The following TRAK2 variants were observed in gnomAD, a reference collection of about 807,000 sequenced individuals.
The protein encoded by TRAK2 is trafficking kinesin-binding protein 2.
A neutral mutation model predicts 104.6 loss-of-function variants in TRAK2; 81 were observed. That is an observed-to-expected ratio of 0.77 (90% CI 0.65 to 0.93). TRAK2 has a LOEUF of 0.93. Ranked by LOEUF, TRAK2 falls within the 40% of genes least tolerant of loss-of-function variation. TRAK2 has a pLI of 0.00. For synonymous variants in TRAK2, 406 were observed against 394.4 expected (o/e 1.03, Z -0.35); for missense variants, 1,002 against 1,089.0 (o/e 0.92, Z 1.12).
chr2:201,450,371 C>A (rs537221889), intron 1 of TRAK2, among the ~76,000 whole-genome samples: 2 of 151,846 alleles, frequency 1.3e-5, no homozygotes, highest in Non-Finnish European at 2.9e-5. Context: ...GCCGAGATCA[C>A]CCCACTGCAC....
At chr2:201,419,889 T>C (rs1377909131) in intron 2 of TRAK2, among the ~76,000 whole-genome samples, 3 of 152,176 alleles carry the variant, frequency 2.0e-5, no homozygotes, top group South Asian at 2.1e-4. Flanking sequence ...CTTCAGCAAA[T>C]ATGAGTATTC....
chr2:201,440,735 G>T (rs1951914249), intron 1 of TRAK2, among the ~76,000 whole-genome samples: 1 of 152,198 alleles, frequency 6.6e-6, no homozygotes, highest in Non-Finnish European at 1.5e-5. Flanking sequence ...TATGCCTACT[G>T]TTCCATTATT....
chr2:201,401,618 C>A (rs1951551556), intron 3 of TRAK2, among the ~76,000 whole-genome samples: 3 of 152,160 alleles, frequency 2.0e-5, no homozygotes, highest in Admixed American at 2.0e-4. Flanking sequence ...CTGTTATGAA[C>A]CATAATTCCT....
intron 7 of TRAK2, among the ~76,000 whole-genome samples, chr2:201,396,114 T>C (rs1951499354): frequency 6.6e-6 from 1 of 152,136 alleles, no homozygotes; most frequent in African/African-American, 2.4e-5. Context: ...AAATTTGACA[T>C]GTAAATACAA....
intron 3 of TRAK2, 28 bp downstream of exon 3, chr2:201,407,375 A>G: frequency 6.3e-7 from 1 of 1,587,324 alleles, no homozygotes; most frequent in Non-Finnish European, 8.6e-7. Flanking sequence ...TTTAATGCAC[A>G]AACTAAAAGA....
At chr2:201,440,380 G>A (rs939649061) in intron 1 of TRAK2, among the ~76,000 whole-genome samples, 1 of 152,178 alleles carries the variant, frequency 6.6e-6, no homozygotes, top group Admixed American at 6.5e-5. Context: ...TAAGGTGTCT[G>A]TTTGACTGAA....
intron 2 of TRAK2, among the ~76,000 whole-genome samples, chr2:201,409,443 G>A (rs1211681277): frequency 6.6e-6 from 1 of 152,126 alleles, no homozygotes; most frequent in African/African-American, 2.4e-5. Flanking sequence ...GAAATATGAA[G>A]TTAGTAGTCA....
intron 2 of TRAK2, chr2:201,412,778 T>C: frequency 2.5e-6 from 3 of 1,188,974 alleles, no homozygotes; most frequent in Admixed American, 3.4e-5. Flanking sequence ...TCAGGAGTAA[T>C]ATTTCCATGT....
At chr2:201,395,466 T>C (rs1166453331) in intron 7 of TRAK2, 22 bp from the exon 8 acceptor site, 1 of 1,498,864 alleles carries the variant, frequency 6.7e-7, no homozygotes, top group Non-Finnish European at 9.0e-7. Flanking sequence ...AAAAAATTTT[T>C]TTAAATTAAT....
chr2:201,403,651 TA>T (rs1951568209), intron 3 of TRAK2, among the ~76,000 whole-genome samples: 2 of 152,046 alleles, frequency 1.3e-5, no homozygotes, highest in Admixed American at 1.3e-4. Context: ...ATTAAAATGT[TA>T]ATAGTGGTTA....
intron 1 of TRAK2, among the ~76,000 whole-genome samples, chr2:201,422,032 A>G (rs1237333129): frequency 6.2e-5 from 9 of 145,842 alleles, no homozygotes; most frequent in Admixed American, 5.6e-4. Flanking sequence ...CCTGGGTGAC[A>G]GAGCAAGACT....
At chr2:201,432,057 C>T (rs916704542) in intron 1 of TRAK2, among the ~76,000 whole-genome samples, 10 of 152,226 alleles carry the variant, frequency 6.6e-5, no homozygotes, top group South Asian at 6.2e-4. Flanking sequence ...TTTCTATCAC[C>T]AAAGTACTAT....
intron 1 of TRAK2, among the ~76,000 whole-genome samples, chr2:201,450,669 G>C (rs1417418327): frequency 6.7e-6 from 1 of 150,236 alleles, no homozygotes; most frequent in African/African-American, 2.5e-5. Context: ...TCAACTTGAT[G>C]AATATCCTGT....
intron 2 of TRAK2, among the ~76,000 whole-genome samples, chr2:201,416,890 G>T (rs184161279): frequency 7.5e-4 from 113 of 151,570 alleles, no homozygotes; most frequent in Non-Finnish European, 1.5e-3. Context: ...AGAAAAAAAC[G>T]GAAGACGGAA....
chr2:201,415,927 G>C (rs1389692278), intron 2 of TRAK2, among the ~76,000 whole-genome samples: 1 of 151,918 alleles, frequency 6.6e-6, no homozygotes, highest in Non-Finnish European at 1.5e-5. Context: ...CAGTGATAAA[G>C]AAGAAAATCC....
chr2:201,392,610 G>T (rs1478145315), intron 10 of TRAK2, among the ~76,000 whole-genome samples: 1 of 152,070 alleles, frequency 6.6e-6, no homozygotes, highest in African/African-American at 2.4e-5. Context: ...GTGGGCCTAG[G>T]GTAGGATGAC....
At chr2:201,445,190 T>C (rs1375062219) in intron 1 of TRAK2, among the ~76,000 whole-genome samples, 1 of 152,206 alleles carries the variant, frequency 6.6e-6, no homozygotes, top group African/African-American at 2.4e-5. Flanking sequence ...CAAGAGGTTA[T>C]GTGAGTCAGT....
chr2:201,436,576 G>C (rs1951881087), intron 1 of TRAK2, among the ~76,000 whole-genome samples: 1 of 152,182 alleles, frequency 6.6e-6, no homozygotes, highest in Non-Finnish European at 1.5e-5. Context: ...TCACATAGCA[G>C]TAAGGAAAAT....
In TRAK2 at chr2:201,399,513, A is replaced by G; in HGVS notation, c.364-20T>C. The G allele has an allele frequency of 1.3e-6, 2 of 1,581,210 alleles. No homozygotes were observed. The highest frequency in any genetic ancestry group is 2.2e-5 in the South Asian group (2 of 89,436). ...ATCCCTCTGTTAAAATACCAAATACACCTTTTCTTTGAGTATAAACAAGGT... is the reference window on the plus strand; with the variant it reads ...ATCCCTCTGTTAAAATACCAAATACGCCTTTTCTTTGAGTATAAACAAGGT... On this transcript the variant is annotated intron_variant, in intron 4 of 15. Transcript: ENST00000332624.
Sources: gnomAD v4.1 joint callset for allele counts (sites outside exome capture counted in the v4.1 genomes callset) on GRCh38, gnomAD v4.1.1 for gene constraint, MANE v1.5 for transcripts, NCBI Gene and HGNC (gene_info 2026-07-23, HGNC 2026-07-21) for gene names.